The following GALNTL6 variants were observed in gnomAD, a reference collection of about 807,000 sequenced individuals.
The protein encoded by GALNTL6 is polypeptide N-acetylgalactosaminyltransferase-like 6.
In GALNTL6, 46 loss-of-function variants were observed where a neutral mutation model predicts 73.7. That is an observed-to-expected ratio of 0.62 (90% CI 0.49 to 0.80). The LOEUF is 0.80. Among genes scored for constraint, GALNTL6 ranks in the 30% least tolerant of loss-of-function variants. The pLI, the probability that GALNTL6 is intolerant of heterozygous loss-of-function variation, is 0.00. For synonymous variants in GALNTL6, 259 were observed against 263.7 expected (o/e 0.98, Z 0.17); for missense variants, 604 against 755.0 (o/e 0.80, Z 2.34).
chr4:171,905,373 C>A (rs929706482), intron 2 of GALNTL6, among the ~76,000 whole-genome samples: 2 of 152,032 alleles, frequency 1.3e-5, no homozygotes, highest in African/African-American at 2.4e-5. Context: ...GACTTTAAAC[C>A]AACAAAGATC....
At chr4:172,605,139 G>A (rs72704871) in intron 5 of GALNTL6, among the ~76,000 whole-genome samples, 5,639 of 152,288 alleles carry the variant, frequency 0.037, 140 homozygotes, top group South Asian at 0.068. Flanking sequence ...CAAAGCCACT[G>A]ACAGTAACCT....
intron 2 of GALNTL6, among the ~76,000 whole-genome samples, chr4:172,092,453 C>T (rs1003865749): frequency 1.3e-5 from 2 of 151,984 alleles, no homozygotes; most frequent in Non-Finnish European, 2.9e-5. Flanking sequence ...GTTTCACATG[C>T]TTCAGGGGCC....
chr4:172,197,068 G>A (rs1239255189), intron 2 of GALNTL6, among the ~76,000 whole-genome samples: 3 of 152,096 alleles, frequency 2.0e-5, no homozygotes, highest in African/African-American at 7.2e-5. Context: ...AGCTTCTTAA[G>A]CTGATAAGCA....
intron 2 of GALNTL6, among the ~76,000 whole-genome samples, chr4:171,827,118 T>G (rs144667818): frequency 8.5e-4 from 129 of 152,222 alleles, no homozygotes; most frequent in African/African-American, 3.0e-3. Context: ...AGGTTACACT[T>G]TATATAGGCA....
chr4:171,878,710 A>C (rs919182848), intron 2 of GALNTL6, among the ~76,000 whole-genome samples: 2 of 152,174 alleles, frequency 1.3e-5, no homozygotes, highest in African/African-American at 4.8e-5. Context: ...ATGATATGGT[A>C]TGGCTCTGTG....
Position 172,897,563 on chromosome 4 carries a change from GA to G in GALNTL6, c.1041+14661del, listed in dbSNP as rs1329663196. 2.0e-5 allele frequency among the ~76,000 whole-genome samples: 3 copies of G among 152,286 alleles called. No individual in the cohort carries two copies. The East Asian group carries it at 5.8e-4, about 29-fold the overall frequency. The stretch of plus-strand genomic sequence containing the variant: ...GATGGTTTTTTATTATAGGCTCAAA[GA>G]AAAATGGGGCTATAACCAAGTTCCT... On this transcript the variant is annotated intron_variant, in intron 8 of 12. Transcript: ENST00000506823.
At chr4:172,153,124 C>T (rs1318411625) in intron 2 of GALNTL6, among the ~76,000 whole-genome samples, 4 of 152,320 alleles carry the variant, frequency 2.6e-5, no homozygotes, top group East Asian at 1.9e-4. Flanking sequence ...CCCTAAACAA[C>T]GTGCTGACCA....
At chr4:172,425,163 C>A (rs1331513982) in intron 5 of GALNTL6, 1 of 151,944 alleles carries the variant, frequency 6.6e-6, no homozygotes, top group Non-Finnish European at 1.5e-5. Context: ...GAACTAGATT[C>A]TTTTCTAATA....
chr4:171,954,237 A>T (rs1434464047), intron 2 of GALNTL6, among the ~76,000 whole-genome samples: 4 of 152,216 alleles, frequency 2.6e-5, no homozygotes, highest in African/African-American at 9.6e-5. Context: ...GCCAATGAAG[A>T]GTTGTGATTT....
Position 172,882,917 on chromosome 4 carries a change from A to G in GALNTL6, c.1041+10A>G, listed in dbSNP as rs751616972. The G allele has an allele frequency of 1.5e-6, 2 of 1,366,096 alleles. No individual in the cohort carries two copies. The highest frequency in any genetic ancestry group is 2.9e-5 in the African/African-American group (2 of 69,850). 84.6% of individuals were successfully genotyped at this position (1,366,096 alleles called of 1,614,324 possible). A position where few individuals can be genotyped will look rare whatever the true frequency, so the allele number is the denominator to read the frequency against. Reference sequence around the variant, plus strand: ...TGAAATCTCTTTTAAGGTAAGCCCCAAGACCCTCTTCACACTATATCTGTA... The same window carrying G: ...TGAAATCTCTTTTAAGGTAAGCCCCGAGACCCTCTTCACACTATATCTGTA... On this transcript the variant is annotated intron_variant, in intron 8 of 12. Transcript: ENST00000506823.
chr4:172,346,953 G>A (rs1355266113), intron 4 of GALNTL6, among the ~76,000 whole-genome samples: 1 of 148,488 alleles, frequency 6.7e-6, no homozygotes, highest in Non-Finnish European at 1.5e-5. Context: ...AAAGTCATGA[G>A]CCTATTGATT....
chr4:172,684,741 T>C (rs930404436), intron 5 of GALNTL6, among the ~76,000 whole-genome samples: 4 of 152,288 alleles, frequency 2.6e-5, no homozygotes, highest in Non-Finnish European at 5.9e-5. Flanking sequence ...CCTTTAGCCA[T>C]TGTAAGCTTC....
chr4:172,956,936 G>GT (rs2126363042), intron 10 of GALNTL6, among the ~76,000 whole-genome samples: 1 of 152,252 alleles, frequency 6.6e-6, no homozygotes, highest in East Asian at 1.9e-4. Flanking sequence ...AGGCCGATCT[G>GT]TTATAGGACT....
intron 3 of GALNTL6, among the ~76,000 whole-genome samples, chr4:172,297,011 C>T (rs1425430737): frequency 6.6e-6 from 1 of 152,166 alleles, no homozygotes; most frequent in African/African-American, 2.4e-5. Flanking sequence ...TCTCCACATC[C>T]TCTCCAGCAC....
intron 5 of GALNTL6, among the ~76,000 whole-genome samples, chr4:172,522,512 A>C (rs1295579354): frequency 6.6e-6 from 1 of 152,104 alleles, no homozygotes; most frequent in African/African-American, 2.4e-5. Flanking sequence ...CTCTACTAAA[A>C]ATACAAAATT....
At chr4:173,020,798 C>T (rs1393510357) in intron 11 of GALNTL6, among the ~76,000 whole-genome samples, 2 of 152,196 alleles carry the variant, frequency 1.3e-5, no homozygotes, top group Admixed American at 6.5e-5. Context: ...TCTGGCCAGG[C>T]ACAGTGGCTC....
intron 3 of GALNTL6, among the ~76,000 whole-genome samples, chr4:172,250,458 G>A: frequency 6.6e-6 from 1 of 152,090 alleles, no homozygotes; most frequent in Non-Finnish European, 1.5e-5. Flanking sequence ...ATGAGATTTG[G>A]TTGGGGCCAG....
chr4:172,001,492 G>A (rs1740670716), intron 2 of GALNTL6, among the ~76,000 whole-genome samples: 1 of 152,130 alleles, frequency 6.6e-6, no homozygotes, highest in African/African-American at 2.4e-5. Flanking sequence ...GACTTGGAGA[G>A]GCAGTAAGAG....
At chr4:172,954,594 G>A (rs1202866866) in intron 10 of GALNTL6, among the ~76,000 whole-genome samples, 1 of 152,048 alleles carries the variant, frequency 6.6e-6, no homozygotes, top group Non-Finnish European at 1.5e-5. Flanking sequence ...AGCCTTCTGA[G>A]TAGCCCAGAC....
Sources: allele counts gnomAD v4.1 joint callset (sites outside exome capture counted in the v4.1 genomes callset), GRCh38; gene constraint gnomAD v4.1.1; transcripts MANE v1.5; gene names NCBI Gene and HGNC (gene_info 2026-07-23, HGNC 2026-07-21).